Variants in PCSK5 observed in about 807,000 individuals in gnomAD.
The protein encoded by PCSK5 is prohormone convertase 5.
A neutral mutation model predicts 233.2 loss-of-function variants in PCSK5; 129 were observed. That is an observed-to-expected ratio of 0.55 (90% CI 0.48 to 0.64). PCSK5 has a LOEUF of 0.64. Ranked by LOEUF, PCSK5 falls within the 30% of genes least tolerant of loss-of-function variation. The pLI is 0.00. For missense variants in PCSK5, 2,076 were observed against 2,430.1 expected, an observed-to-expected ratio of 0.85 and a Z score of 3.06; for synonymous variants, 825 against 879.2, an observed-to-expected ratio of 0.94 and a Z score of 1.09.
intron 26 of PCSK5, among the ~76,000 whole-genome samples, chr9:76,296,383 C>T (rs1329555204): frequency 1.3e-5 from 2 of 152,120 alleles, no homozygotes; most frequent in African/African-American, 2.4e-5. Flanking sequence ...CCCATCTCTA[C>T]TAAAAATATA....
intron 10 of PCSK5, among the ~76,000 whole-genome samples, chr9:76,143,387 C>A (rs1445380866): frequency 6.6e-6 from 1 of 152,096 alleles, no homozygotes; most frequent in East Asian, 1.9e-4. Context: ...CATTTTGGAG[C>A]CGCTGCGGTG....
At chr9:75,936,855 A>G (rs753847778) in intron 2 of PCSK5, among the ~76,000 whole-genome samples, 1 of 152,256 alleles carries the variant, frequency 6.6e-6, no homozygotes, top group South Asian at 2.1e-4. Flanking sequence ...TAGAGGAAAC[A>G]CTATCTATCA....
chr9:75,935,769 T>G (rs983773482), intron 2 of PCSK5, among the ~76,000 whole-genome samples: 11 of 152,202 alleles, frequency 7.2e-5, no homozygotes, highest in African/African-American at 2.7e-4. Flanking sequence ...TCCTCATGAT[T>G]AGATTCAGGT....
At chr9:76,220,317 A>G (rs1177967324) in intron 20 of PCSK5, among the ~76,000 whole-genome samples, 1 of 152,060 alleles carries the variant, frequency 6.6e-6, no homozygotes, top group Non-Finnish European at 1.5e-5. Flanking sequence ...ACCTGAGGTC[A>G]GGAGTTCAAG....
At chr9:76,002,535 T>G (rs1044937923) in intron 3 of PCSK5, among the ~76,000 whole-genome samples, 1 of 152,214 alleles carries the variant, frequency 6.6e-6, no homozygotes, top group African/African-American at 2.4e-5. Context: ...CTGTGGGAAT[T>G]CTCATAGACT....
chr9:76,191,281 C>T (rs1486933273), intron 20 of PCSK5, among the ~76,000 whole-genome samples: 1 of 152,148 alleles, frequency 6.6e-6, no homozygotes, highest in East Asian at 1.9e-4. Context: ...TCTTTCCCTT[C>T]TTTTGAATGT....
intron 30 of PCSK5, 53 bp downstream of exon 30, chr9:76,310,904 C>A: frequency 8.7e-7 from 1 of 1,147,808 alleles, no homozygotes; most frequent in Non-Finnish European, 1.2e-6. Context: ...TCCTCTGGTA[C>A]TTTGGGAGCA....
intron 5 of PCSK5, among the ~76,000 whole-genome samples, chr9:76,030,582 T>C (rs1828613872): frequency 6.6e-6 from 1 of 151,862 alleles, no homozygotes; most frequent in African/African-American, 2.4e-5. Context: ...TAATAACAAA[T>C]TTATATGACT....
At chr9:76,147,004 C>G (rs4745510) in intron 10 of PCSK5, among the ~76,000 whole-genome samples, 11,508 of 152,086 alleles carry the variant, frequency 0.076, 673 homozygotes, top group East Asian at 0.27. Flanking sequence ...GTGAAGCATG[C>G]TCAATGCATT....
At chr9:76,016,095 C>T (rs1480007601) in intron 3 of PCSK5, among the ~76,000 whole-genome samples, 1 of 152,232 alleles carries the variant, frequency 6.6e-6, no homozygotes, top group Non-Finnish European at 1.5e-5. Context: ...TCTTAGCCTT[C>T]CTACACTTCC....
chr9:76,029,705 G>A (rs967145744), intron 5 of PCSK5, among the ~76,000 whole-genome samples: 3 of 152,110 alleles, frequency 2.0e-5, no homozygotes, highest in African/African-American at 7.2e-5. Flanking sequence ...CTCCTCTTGA[G>A]CTCCCAAGGT....
intron 2 of PCSK5, among the ~76,000 whole-genome samples, chr9:75,948,317 C>G (rs920585346): frequency 4.2e-5 from 6 of 142,608 alleles, no homozygotes; most frequent in African/African-American, 7.9e-5. Flanking sequence ...CTCGCCCCCC[C>G]ACCCCCCGAA....
At chr9:76,046,549 C>CTT (rs1563993389) in intron 5 of PCSK5, among the ~76,000 whole-genome samples, 8 of 115,816 alleles carry the variant, frequency 6.9e-5, no homozygotes, top group Non-Finnish European at 7.4e-5. Flanking sequence ...CTTTTTTTTT[C>CTT]TTTCTTTTTC....
intron 30 of PCSK5, among the ~76,000 whole-genome samples, chr9:76,315,928 G>GTTTTTTTT (rs71499141): frequency 4.3e-3 from 391 of 91,656 alleles, no homozygotes; most frequent in Non-Finnish European, 5.9e-3. Flanking sequence ...CACTTCAAGG[G>GTTTTTTTT]TTTTTTTTTT....
chr9:76,351,211 A>G (rs552588836), intron 36 of PCSK5, among the ~76,000 whole-genome samples: 2 of 152,216 alleles, frequency 1.3e-5, no homozygotes, highest in East Asian at 3.9e-4. Context: ...ATTCATCACC[A>G]TAGAAGTTTC....
At chr9:75,998,474 A>G (rs1237098579) in intron 3 of PCSK5, among the ~76,000 whole-genome samples, 3 of 152,216 alleles carry the variant, frequency 2.0e-5, no homozygotes, top group East Asian at 1.9e-4. Flanking sequence ...TCATAATTCA[A>G]GCCCTCAGCT....
At chr9:76,292,666 T>C (rs1828314582) in intron 25 of PCSK5, among the ~76,000 whole-genome samples, 1 of 152,196 alleles carries the variant, frequency 6.6e-6, no homozygotes, top group Non-Finnish European at 1.5e-5. Flanking sequence ...CCAGGTGCTA[T>C]ATCAGCTCTT....
In PCSK5 at chr9:76,163,322, C is replaced by T. The variant is rs562778889; in HGVS notation, c.1619+4151C>T. ...CTCAGTGGCTCCCTGTCCTGGCTGACGGGCACTTGCCTGAACTCCTGTGAA... is the reference window on the plus strand; with the variant it reads ...CTCAGTGGCTCCCTGTCCTGGCTGATGGGCACTTGCCTGAACTCCTGTGAA... On this transcript the variant is annotated intron_variant, in intron 12 of 37. Transcript: ENST00000674117. Among the ~76,000 whole-genome samples, 12 of 152,320 alleles carry T rather than the reference C, an allele frequency of 7.9e-5. No homozygotes were observed. The East Asian group carries it at 1.7e-3, about 22-fold the overall frequency.
chr9:75,956,351 G>T (rs1010691001), intron 2 of PCSK5, among the ~76,000 whole-genome samples: 1 of 152,164 alleles, frequency 6.6e-6, no homozygotes, highest in Admixed American at 6.5e-5. Flanking sequence ...ATAAATCAGG[G>T]AGGTGCTGGG....
Sources: allele counts gnomAD v4.1 joint callset (sites outside exome capture counted in the v4.1 genomes callset), GRCh38; gene constraint gnomAD v4.1.1; transcripts MANE v1.5; gene names NCBI Gene and HGNC (gene_info 2026-07-23, HGNC 2026-07-21).